The following NALF1 variants were observed in gnomAD, a reference collection of about 807,000 sequenced individuals.
NALF1 encodes family with sequence similarity 155 member A.
NALF1 carries 3 observed loss-of-function variants against 48.4 expected under a neutral mutation model. The ratio of observed to expected loss-of-function variants is 0.06; its 90% CI spans 0.03 to 0.16. The LOEUF is 0.16. NALF1 is among the 10% of genes least tolerant of loss of function. The pLI, the probability that NALF1 is intolerant of heterozygous loss-of-function variation, is 1.00. For missense variants in NALF1, 526 were observed against 571.5 expected (o/e 0.92, Z 0.81); for synonymous variants, 262 against 245.7 (o/e 1.07, Z -0.62).
intron 1 of NALF1, among the ~76,000 whole-genome samples, chr13:107,473,216 T>C (rs151048917): frequency 2.3e-3 from 349 of 152,276 alleles, no homozygotes; most frequent in African/African-American, 8.3e-3. Context: ...TTTTCATGAG[T>C]GTAGGTCTAG....
chr13:107,681,888 T>TTCC (rs1272060857), intron 1 of NALF1, among the ~76,000 whole-genome samples: 1 of 152,164 alleles, frequency 6.6e-6, no homozygotes, highest in African/African-American at 2.4e-5. Flanking sequence ...GGCCTCGTTA[T>TTCC]TCCTCCTCCT....
chr13:107,756,456 A>ATATATATATATATATATATAT (rs1877099055), intron 1 of NALF1, among the ~76,000 whole-genome samples: 1 of 110,800 alleles, frequency 9.0e-6, no homozygotes, highest in African/African-American at 4.1e-5. Context: ...TATATATATA[A>ATATATATATATATATATATAT]AGCATAAATA....
At chr13:107,313,760 A>T (rs897124367) in intron 1 of NALF1, among the ~76,000 whole-genome samples, 1 of 152,202 alleles carries the variant, frequency 6.6e-6, no homozygotes, top group Non-Finnish European at 1.5e-5. Flanking sequence ...ATTTAGTGAA[A>T]GGCAGATCAA....
intron 1 of NALF1, among the ~76,000 whole-genome samples, chr13:107,480,295 T>G (rs1046175963): frequency 6.6e-6 from 1 of 152,160 alleles, no homozygotes. Context: ...CAGAGACCCC[T>G]TTTAATAGTA....
chr13:107,269,812 C>CTTTTT (rs564148932), intron 1 of NALF1, among the ~76,000 whole-genome samples: 1 of 129,906 alleles, frequency 7.7e-6, no homozygotes, highest in African/African-American at 2.8e-5. Context: ...AAATATGTTT[C>CTTTTT]TTTTTTTTTT....
At chr13:107,309,070 CCTGT>C (rs1282834582) in intron 1 of NALF1, among the ~76,000 whole-genome samples, 3 of 152,178 alleles carry the variant, frequency 2.0e-5, no homozygotes, top group Admixed American at 6.5e-5. Context: ...TAGAAATGTA[CCTGT>C]CTATTTGTCT....
chr13:107,531,269 G>A (rs1876628100), intron 1 of NALF1: 1 of 168,636 alleles, frequency 5.9e-6, no homozygotes, highest in Non-Finnish European at 1.5e-5. Context: ...CACGGAGGCA[G>A]ATCCCTCATG....
chr13:107,476,467 T>G (rs1312420753), intron 1 of NALF1, among the ~76,000 whole-genome samples: 3 of 152,140 alleles, frequency 2.0e-5, no homozygotes, highest in Non-Finnish European at 2.9e-5. Context: ...ATGTATATAA[T>G]CCTGCCTTTA....
chr13:107,330,772 C>A (rs1270468566), intron 1 of NALF1, among the ~76,000 whole-genome samples: 1 of 152,172 alleles, frequency 6.6e-6, no homozygotes, highest in African/African-American at 2.4e-5. Context: ...CAAGTGCGAT[C>A]AGTCTAAATT....
chr13:107,353,082 T>C (rs921118980), intron 1 of NALF1, among the ~76,000 whole-genome samples: 2 of 152,212 alleles, frequency 1.3e-5, no homozygotes, highest in East Asian at 3.9e-4. Flanking sequence ...GCCTCCTGAC[T>C]GTTCACTCTC....
intron 1 of NALF1, among the ~76,000 whole-genome samples, chr13:107,653,057 A>G (rs527856709): frequency 3.7e-4 from 56 of 152,220 alleles, no homozygotes; most frequent in African/African-American, 1.3e-3. Flanking sequence ...CAATGGCAGA[A>G]AAGATGGTAA....
intron 1 of NALF1, among the ~76,000 whole-genome samples, chr13:107,641,682 A>G (rs1443451059): frequency 6.6e-6 from 1 of 152,170 alleles, no homozygotes; most frequent in Non-Finnish European, 1.5e-5. Context: ...AAGGCCTTGA[A>G]TTGAATAGTC....
rs1187783562 is a variant in NALF1 at position 107,867,003 on chromosome 13, T to C, written c.-407A>G. 6.6e-6 allele frequency among the ~76,000 whole-genome samples: 1 copy of C among 151,130 alleles called. No homozygotes were observed. Among genetic ancestry groups the C allele is most frequent in the African/African-American group, 2.4e-5 (1 of 41,052 alleles). The stretch of plus-strand genomic sequence containing the variant: ...GAGGTGACAGGGTGGCTGGCGCGGC[T>C]CCGGTCACCCAGGCATTGTCAGCGC... On this transcript the variant is annotated 5_prime_UTR_variant, in exon 1 of 3. Coordinates refer to ENST00000375915, the MANE Select transcript of NALF1 (RefSeq NM_001080396.3). This position sits in a 1 kb window ranked among gnomAD's most constrained non-coding sequence, Gnocchi z 4.4.
chr13:107,394,081 C>A (rs1033248025), intron 1 of NALF1, among the ~76,000 whole-genome samples: 3 of 152,160 alleles, frequency 2.0e-5, no homozygotes, highest in African/African-American at 7.2e-5. Context: ...GATGCCAACA[C>A]CAAATCCACT....
chr13:107,407,563 A>G (rs953634879), intron 1 of NALF1, among the ~76,000 whole-genome samples: 2 of 152,170 alleles, frequency 1.3e-5, no homozygotes, highest in African/African-American at 4.8e-5. Flanking sequence ...GTGAGATATT[A>G]TCTTACCCCA....
intron 1 of NALF1, among the ~76,000 whole-genome samples, chr13:107,831,944 A>T (rs1378640048): frequency 6.6e-6 from 1 of 152,194 alleles, no homozygotes; most frequent in Non-Finnish European, 1.5e-5. Flanking sequence ...GGAATTCAAA[A>T]ATCGCATTTC....
intron 1 of NALF1, among the ~76,000 whole-genome samples, chr13:107,638,662 T>C (rs1277630324): frequency 6.6e-6 from 1 of 151,908 alleles, no homozygotes; most frequent in East Asian, 1.9e-4. Flanking sequence ...GGCAAGAGAG[T>C]AGCTGAGAAA....
chr13:107,844,369 C>T (rs1227577024), intron 1 of NALF1, among the ~76,000 whole-genome samples: 1 of 151,998 alleles, frequency 6.6e-6, no homozygotes, highest in East Asian at 1.9e-4. Context: ...TATATTTTTG[C>T]AAGATACTAA....
chr13:107,601,360 T>C (rs918363367), intron 1 of NALF1, among the ~76,000 whole-genome samples: 7 of 152,194 alleles, frequency 4.6e-5, no homozygotes, highest in Admixed American at 3.3e-4. Context: ...TACTCTCTTT[T>C]TAAAAGAGAA....
Sources: allele counts gnomAD v4.1 joint callset (sites outside exome capture counted in the v4.1 genomes callset), GRCh38; gene constraint gnomAD v4.1.1; non-coding constraint Gnocchi (gnomAD v3.1); transcripts MANE v1.5; gene names NCBI Gene and HGNC (gene_info 2026-07-23, HGNC 2026-07-21).